The following SLCO2A1 variants were observed in gnomAD, a reference collection of about 807,000 sequenced individuals.
SLCO2A1 encodes matrin F/G 1.
SLCO2A1 carries 60 observed loss-of-function variants against 71.7 expected under a neutral mutation model. The ratio of observed to expected loss-of-function variants is 0.84; its 90% CI spans 0.68 to 1.04. The LOEUF is 1.04. SLCO2A1 is among the 50% of genes least tolerant of loss of function. The pLI is 0.00. For missense variants in SLCO2A1, 745 were observed against 813.4 expected, an observed-to-expected ratio of 0.92 and a Z score of 1.02; for synonymous variants, 308 against 326.7, an observed-to-expected ratio of 0.94 and a Z score of 0.62.
intron 1 of SLCO2A1, among the ~76,000 whole-genome samples, chr3:134,023,774 AT>A (rs1935644001): frequency 6.6e-6 from 1 of 152,232 alleles, no homozygotes; most frequent in Admixed American, 6.5e-5. Context: ...AACAAAAGCA[AT>A]TGTTATGCTT....
chr3:133,982,865 G>A (rs1934626653), intron 1 of SLCO2A1, among the ~76,000 whole-genome samples: 1 of 152,048 alleles, frequency 6.6e-6, no homozygotes. Context: ...CTCTCTCACT[G>A]GCGTCCCATT....
At chr3:134,013,628 T>C (rs1386837025) in intron 1 of SLCO2A1, among the ~76,000 whole-genome samples, 1 of 152,180 alleles carries the variant, frequency 6.6e-6, no homozygotes, top group African/African-American at 2.4e-5. Flanking sequence ...GATAAACTAG[T>C]TCCAATGTGA....
chr3:133,953,185 T>C (rs4533652), intron 5 of SLCO2A1, among the ~76,000 whole-genome samples: 150,174 of 152,120 alleles, frequency 0.99, 74,154 homozygotes, highest in East Asian at 1. Flanking sequence ...TACAGGCATC[T>C]GCCACCACGC....
chr3:133,981,962 G>A lies in SLCO2A1; in HGVS notation c.97-2344C>T, dbSNP rs191819687. 9.3e-5 allele frequency among the ~76,000 whole-genome samples: 12 copies of A among 129,082 alleles called. No homozygotes were observed. The East Asian group carries it at 1.1e-3, about 12-fold the overall frequency. 84.7% of individuals were successfully genotyped at this position (129,082 alleles called of 152,430 possible). On this transcript the variant is annotated intron_variant, in intron 1 of 13. Coordinates refer to ENST00000310926, the MANE Select transcript of SLCO2A1 (RefSeq NM_005630.3). ...TGCATTCCATCGTGGGCGACAGAGC[G>A]AGACTCCGTCTCAAAAAAAAAAAAA...
Position 134,017,855 on chromosome 3 carries a change from A to AG in SLCO2A1, c.96+11851dup, listed in dbSNP as rs201025035. Among the ~76,000 whole-genome samples the AG allele has an allele frequency of 5.6e-3, 852 of 152,326 alleles. 11 individuals carry two copies. The highest frequency in any genetic ancestry group is 0.019 in the African/African-American group (770 of 41,576). On this transcript the variant is annotated intron_variant, in intron 1 of 13. Coordinates refer to ENST00000310926, the MANE Select transcript of SLCO2A1 (RefSeq NM_005630.3). ...ACACAAGCAAGACAAAAGAAGGCAA[A>AG]GGGAAGCCACGTGCACATCTCAACG...
rs543918559 is a variant in SLCO2A1 at position 134,012,486 on chromosome 3, C to A, written c.96+17221G>T. On this transcript the variant is annotated intron_variant, in intron 1 of 13. Coordinates refer to ENST00000310926, the MANE Select transcript of SLCO2A1 (RefSeq NM_005630.3). ...CAGAGGCAAGGACATCAAGAGGATT[C>A]CTGCGTCTTTGAGCAGATGAGCTTT... is the stretch of plus-strand genomic sequence containing the variant. 2.6e-5 allele frequency among the ~76,000 whole-genome samples: 4 copies of A among 152,288 alleles called. No homozygotes were observed. The South Asian group carries it at 6.2e-4, about 24-fold the overall frequency.
Position 133,935,786 on chromosome 3 carries a change from G to C in SLCO2A1, c.1802C>G (p.Ala601Gly). ...GATGGGCCCTCACCTGTCTCGGAGA[G>C]CATCGTTGTCATAGTAGGCGCAGGC... Reference protein sequence around the residue: ...RGACAYYDNDALRDRYLGLQM... With the variant: ...RGACAYYDNDGLRDRYLGLQM... The change falls in exon 13 of 14, where the codon GCT becomes GGT. Residue 601 changes from alanine (A) to glycine (G), a missense_variant. By Grantham distance (60) the Ala-to-Gly change is moderately conservative. Coordinates refer to ENST00000310926, the MANE Select transcript of SLCO2A1 (RefSeq NM_005630.3). 1 of 1,605,720 alleles carries C rather than the reference G, an allele frequency of 6.2e-7. No individual in the cohort carries two copies. The highest frequency in any genetic ancestry group is 1.1e-5 in the South Asian group (1 of 89,458).
At chr3:134,026,200 A>C (rs995532869) in intron 1 of SLCO2A1, among the ~76,000 whole-genome samples, 12 of 152,178 alleles carry the variant, frequency 7.9e-5, no homozygotes, top group African/African-American at 2.7e-4. Flanking sequence ...TTCTTTGTCT[A>C]GGACAGAAAC....
rs145158339 is a variant in SLCO2A1, at chr3:133,933,838, C to G, written c.*875G>C. ...GATGTGGGAGGTTCTTCCCATTACTCTGAGATGAGGGGGTCTCGTCCCCAC... is the reference window on the plus strand; with the variant it reads ...GATGTGGGAGGTTCTTCCCATTACTGTGAGATGAGGGGGTCTCGTCCCCAC... On this transcript the variant is annotated 3_prime_UTR_variant, in exon 14 of 14. Transcript: ENST00000310926. 3 of 152,362 alleles carry G rather than the reference C, an allele frequency of 2.0e-5. No individual in the cohort carries two copies. The highest frequency in any genetic ancestry group is 2.0e-4 in the Admixed American group (3 of 15,302). The allele number at this position is 152,362 out of a possible 1,614,324, so 9.4% of individuals were successfully genotyped here.
chr3:133,997,771 G>A (rs71331740), intron 1 of SLCO2A1, among the ~76,000 whole-genome samples: 1 of 152,228 alleles, frequency 6.6e-6, no homozygotes, highest in African/African-American at 2.4e-5. Flanking sequence ...CCGGGCCAGA[G>A]GTTTGGCCTG....
Position 134,010,597 on chromosome 3 carries a change from C to A in SLCO2A1, c.96+19110G>T, listed in dbSNP as rs113732791. On this transcript the variant is annotated intron_variant, in intron 1 of 13. Transcript: ENST00000310926. The stretch of plus-strand genomic sequence containing the variant: ...TTAAACCCTGTCTCTACTAAAAAAA[C>A]GCAAAAATTAGCTGGGCATGGTGGC... 7.4e-4 allele frequency among the ~76,000 whole-genome samples: 112 copies of A among 151,972 alleles called. 1 individual carries two copies. The highest frequency in any genetic ancestry group is 2.3e-3 in the African/African-American group (94 of 41,420).
In SLCO2A1 at chr3:133,934,422, C is replaced by G; in HGVS notation, c.*291G>C. 4.0e-6 allele frequency: 1 copy of G among 249,976 alleles called. No homozygotes were observed. The highest frequency in any genetic ancestry group is 8.8e-5 in the South Asian group (1 of 11,356). The allele number at this position is 249,976 out of a possible 1,614,324, so 15.5% of individuals were successfully genotyped here. ...GCCTGGCTGCCTCAGTGGGCATCCT[C>G]AATGGAGGACTCAACACTGAAGTGA... On this transcript the variant is annotated 3_prime_UTR_variant, in exon 14 of 14. Transcript: ENST00000310926.
chr3:134,003,292 G>A (rs1302475549), intron 1 of SLCO2A1, among the ~76,000 whole-genome samples: 1 of 152,208 alleles, frequency 6.6e-6, no homozygotes, highest in African/African-American at 2.4e-5. Context: ...TACCTTTCCA[G>A]CACATGGGTG....
intron 1 of SLCO2A1, among the ~76,000 whole-genome samples, chr3:134,026,320 C>T (rs774184951): frequency 5.3e-4 from 80 of 151,462 alleles, no homozygotes; most frequent in Non-Finnish European, 9.9e-4. Flanking sequence ...CCCGGAGTCC[C>T]ACCGGGACTA....
chr3:134,027,842 T>C (rs1192498107), intron 1 of SLCO2A1, among the ~76,000 whole-genome samples: 1 of 152,238 alleles, frequency 6.6e-6, no homozygotes, highest in Non-Finnish European at 1.5e-5. Flanking sequence ...CTATCCAACC[T>C]CGTACCTGGT....
At chr3:134,004,362 T>A (rs370628071) in intron 1 of SLCO2A1, among the ~76,000 whole-genome samples, 2 of 152,142 alleles carry the variant, frequency 1.3e-5, no homozygotes, top group Non-Finnish European at 2.9e-5. Flanking sequence ...TAGACGGAGT[T>A]TTGCTCTTGT....
At chr3:133,993,301 C>T (rs1051639493) in intron 1 of SLCO2A1, among the ~76,000 whole-genome samples, 1 of 152,206 alleles carries the variant, frequency 6.6e-6, no homozygotes, top group African/African-American at 2.4e-5. Context: ...ATCCTGCTTC[C>T]GTTGTTTTGT....
chr3:133,999,502 C>T (rs942641299), intron 1 of SLCO2A1, among the ~76,000 whole-genome samples: 7 of 152,196 alleles, frequency 4.6e-5, no homozygotes, highest in African/African-American at 1.4e-4. Context: ...CTCCCCCAGC[C>T]CCCCAGGGGC....
At chr3:134,007,583 T>C (rs1031309059) in intron 1 of SLCO2A1, among the ~76,000 whole-genome samples, 8 of 152,216 alleles carry the variant, frequency 5.3e-5, no homozygotes, top group East Asian at 3.8e-4. Flanking sequence ...TTTTAGTTTC[T>C]CAGAGAAATT....
Sources: allele counts gnomAD v4.1 joint callset (sites outside exome capture counted in the v4.1 genomes callset), GRCh38; gene constraint gnomAD v4.1.1; transcripts MANE v1.5; gene names NCBI Gene and HGNC (gene_info 2026-07-23, HGNC 2026-07-21).